Variants in TRHDE observed in about 807,000 individuals in gnomAD.
The protein encoded by TRHDE is thyrotropin releasing hormone degrading enzyme, also known as thyrotropin-releasing hormone-degrading ectoenzyme.
Under a neutral mutation model 125.7 loss-of-function variants are expected in TRHDE, and 72 were observed. That is an observed-to-expected ratio of 0.57 (90% CI 0.47 to 0.70). TRHDE has a LOEUF of 0.70. TRHDE is among the 30% of genes least tolerant of loss of function. The pLI, the probability that TRHDE is intolerant of heterozygous loss-of-function variation, is 0.00. For synonymous variants in TRHDE, 509 were observed against 509.1 expected (o/e 1.00, Z 0.00); for missense variants, 1,110 against 1,327.1 (o/e 0.84, Z 2.54).
At chr12:72,119,117 A>C (rs1875517252) in intron 2 of TRHDE, among the ~76,000 whole-genome samples, 1 of 152,036 alleles carries the variant, frequency 6.6e-6, no homozygotes, top group South Asian at 2.1e-4. Context: ...TAGTTCCTTT[A>C]GATACACCAT....
chr12:72,554,445 C>G (rs1014433484), intron 7 of TRHDE, among the ~76,000 whole-genome samples: 2 of 152,124 alleles, frequency 1.3e-5, no homozygotes, highest in Non-Finnish European at 2.9e-5. Context: ...TGGTAGGAAT[C>G]AGCATGGGTT....
chr12:72,392,514 AC>A (rs1305257791), intron 3 of TRHDE, among the ~76,000 whole-genome samples: 1 of 152,242 alleles, frequency 6.6e-6, no homozygotes, highest in African/African-American at 2.4e-5. Flanking sequence ...AATCAATATC[AC>A]AATGATCAGC....
chr12:72,422,816 G>T (rs956257450), intron 3 of TRHDE, among the ~76,000 whole-genome samples: 2 of 152,110 alleles, frequency 1.3e-5, no homozygotes, highest in Admixed American at 1.3e-4. Context: ...AAGGTGTTTA[G>T]GTCATGAGGG....
intron 2 of TRHDE, among the ~76,000 whole-genome samples, chr12:72,371,000 C>T (rs1181433177): frequency 1.3e-5 from 2 of 152,158 alleles, no homozygotes; most frequent in Non-Finnish European, 2.9e-5. Flanking sequence ...CTGCCTTGGC[C>T]TCCCAAATTG....
At chr12:72,271,693 T>C, upstream of TRHDE, 1 of 345,714 alleles carries the variant, frequency 2.9e-6, no homozygotes, top group South Asian at 2.2e-5. Context: ...GGAGTAGCCC[T>C]GGCAATCTAA....
intron 2 of TRHDE, among the ~76,000 whole-genome samples, chr12:72,132,069 C>T (rs73135426): frequency 0.14 from 20,575 of 152,086 alleles, 1,739 homozygotes; most frequent in Non-Finnish European, 0.18. Context: ...AATGATGTAA[C>T]AATGGAGTAA....
chr12:72,114,475 A>C (rs553271514), intron 2 of TRHDE, among the ~76,000 whole-genome samples: 1 of 152,320 alleles, frequency 6.6e-6, no homozygotes, highest in South Asian at 2.1e-4. Context: ...TTATTAGGGA[A>C]AATCATAAGG....
At chr12:72,639,802 T>A (rs7977107) in intron 15 of TRHDE, among the ~76,000 whole-genome samples, 5 of 152,106 alleles carry the variant, frequency 3.3e-5, no homozygotes, top group Non-Finnish European at 7.3e-5. Flanking sequence ...GTGCCTCCCA[T>A]TTAGGCTGCT....
chr12:72,630,844 A>G (rs1336556729), intron 15 of TRHDE, among the ~76,000 whole-genome samples: 2 of 150,064 alleles, frequency 1.3e-5, no homozygotes, highest in South Asian at 2.1e-4. Flanking sequence ...GATCCATTCA[A>G]TGAAATAGAA....
At chr12:72,384,242 T>G (rs976047490) in intron 3 of TRHDE, among the ~76,000 whole-genome samples, 1 of 152,142 alleles carries the variant, frequency 6.6e-6, no homozygotes, top group African/African-American at 2.4e-5. Context: ...AAAAAGGAGT[T>G]TGATTGCTTT....
At position 72,630,886 on chromosome 12, in the gene TRHDE, C is replaced by CA. The variant is rs747171265; in HGVS notation, c.2675+9149dup. 7.2e-3 allele frequency among the ~76,000 whole-genome samples: 838 copies of CA among 116,660 alleles called. 14 individuals are homozygous for CA. Among genetic ancestry groups the CA allele is most frequent in the Admixed American group, 0.041 (468 of 11,456 alleles). The allele number at this position is 116,660 out of a possible 152,430, so 76.5% of individuals were successfully genotyped here. On this transcript the variant is annotated intron_variant, in intron 15 of 18. Transcript: ENST00000261180. ...ATGGAAATTTCCCTAAAATTCATAGCAAAAAAAAAAAAAACCTACCCATAC... is the reference window on the plus strand; with the variant it reads ...ATGGAAATTTCCCTAAAATTCATAGCAAAAAAAAAAAAAAACCTACCCATAC...
In TRHDE at chr12:72,236,713, C is replaced by T. The variant is rs79460823; in HGVS notation, n.279+130961C>T. 2.0e-4 allele frequency among the ~76,000 whole-genome samples: 30 copies of T among 152,298 alleles called. No homozygotes were observed. The East Asian group carries it at 5.2e-3, about 26-fold the overall frequency. On this transcript the variant is annotated intron_variant and non_coding_transcript_variant, in intron 2 of 4. Coordinates refer to the TRHDE transcript ENST00000548156. Reference sequence around the variant, plus strand: ...ACAAAATCCAAAAAACAGTATGCTGCATACCATCCACAGCCTTTTAGATCA... The same window carrying T: ...ACAAAATCCAAAAAACAGTATGCTGTATACCATCCACAGCCTTTTAGATCA...
At chr12:72,514,059 A>G (rs1368670403) in intron 6 of TRHDE, among the ~76,000 whole-genome samples, 2 of 152,162 alleles carry the variant, frequency 1.3e-5, no homozygotes, top group Non-Finnish European at 2.9e-5. Flanking sequence ...TGTGAACCTC[A>G]GGCCAGGATT....
Position 72,652,345 on chromosome 12 carries a change from T to C in TRHDE, c.2699T>C (p.Ile900Thr). Residue 900 changes from isoleucine (I) to threonine (T), a missense_variant, in exon 16 of 19, where the codon ATC becomes ACC. By Grantham distance (89) the Ile-to-Thr change is moderately conservative (BLOSUM62 -1). This residue lies in a region of TRHDE where 527 missense variants were observed against 651.8 expected (regional missense o/e 0.81). Coordinates refer to ENST00000261180, the MANE Select transcript of TRHDE (RefSeq NM_013381.3). ...RNRIPLNVRD[I>T]VYCTGVSLLD... ...AGAATACCACTAAATGTTAGAGACA[T>C]CGTATACTGTACAGGAGTGTCACTA... 6.5e-7 allele frequency: 1 copy of C among 1,547,694 alleles called. No homozygotes were observed. Among genetic ancestry groups the C allele is most frequent in the Non-Finnish European group, 8.7e-7 (1 of 1,146,168 alleles).
chr12:72,548,396 T>C (rs1172351240), intron 7 of TRHDE, among the ~76,000 whole-genome samples: 1 of 151,818 alleles, frequency 6.6e-6, no homozygotes, highest in African/African-American at 2.4e-5. Flanking sequence ...ACAGGGTTCT[T>C]AGTGCTTACA....
rs983361581 is a variant in TRHDE at position 72,619,379 on chromosome 12, T to C, written c.2469+341T>C. Among the ~76,000 whole-genome samples the C allele has an allele frequency of 2.6e-5, 4 of 152,210 alleles. No homozygotes were observed. The East Asian group carries it at 7.7e-4, about 29-fold the overall frequency. ...CCTGGGTAGAAAGATCCCAAAGATC[T>C]TAACAGAATATAGGCATTTTCAGTA... On this transcript the variant is annotated intron_variant, in intron 13 of 18. Transcript: ENST00000261180.
intron 3 of TRHDE, among the ~76,000 whole-genome samples, chr12:72,452,492 A>G (rs1209077384): frequency 6.6e-6 from 1 of 152,128 alleles, no homozygotes; most frequent in Admixed American, 6.6e-5. Context: ...GGAAGTGACA[A>G]GTGTGGGCAT....
chr12:72,246,580 G>A (rs904915051), intron 2 of TRHDE, among the ~76,000 whole-genome samples: 9 of 152,024 alleles, frequency 5.9e-5, no homozygotes, highest in East Asian at 3.9e-4. Context: ...CACTTTCACC[G>A]CAAGCAGCTG....
chr12:72,360,542 C>A (rs1253624958), intron 2 of TRHDE, among the ~76,000 whole-genome samples: 1 of 151,736 alleles, frequency 6.6e-6, no homozygotes, highest in Non-Finnish European at 1.5e-5. Context: ...AACCGTGGAA[C>A]ACTATTTCAT....
Sources: gnomAD v4.1 joint callset for allele counts (sites outside exome capture counted in the v4.1 genomes callset) on GRCh38, gnomAD v4.1.1 for gene constraint, gnomAD v4.1.1 regional missense constraint, MANE v1.5 for transcripts, NCBI Gene and HGNC (gene_info 2026-07-23, HGNC 2026-07-21) for gene names.